Variants in HEXB observed in about 807,000 individuals in gnomAD.
The protein encoded by HEXB is beta-hexosaminidase subunit beta.
A neutral mutation model predicts 71.2 loss-of-function variants in HEXB; 51 were observed. The observed-to-expected ratio is 0.72, with a 90% CI of 0.57 to 0.90. HEXB has a LOEUF of 0.90. Ranked by LOEUF, HEXB falls within the 40% of genes least tolerant of loss-of-function variation. The pLI is 0.00. For missense variants in HEXB, 617 were observed against 677.0 expected, an observed-to-expected ratio of 0.91 and a Z score of 0.98; for synonymous variants, 266 against 249.3, an observed-to-expected ratio of 1.07 and a Z score of -0.63.
intron 6 of HEXB, among the ~76,000 whole-genome samples, chr5:74,712,698 C>T (rs11742621): frequency 0.32 from 48,471 of 151,924 alleles, 9,398 homozygotes; most frequent in African/African-American, 0.54. Flanking sequence ...TTGCACCCCA[C>T]AGTGTCAATT....
chr5:74,666,574 C>A (rs1251038917), intron 1 of HEXB, among the ~76,000 whole-genome samples: 1 of 152,304 alleles, frequency 6.6e-6, no homozygotes, highest in East Asian at 1.9e-4. Flanking sequence ...CCAACTCCCC[C>A]ACTCCCTGCT....
intron 11 of HEXB, among the ~76,000 whole-genome samples, 180 bp downstream of exon 11, chr5:74,719,151 T>C (rs541089061): frequency 6.6e-6 from 1 of 152,334 alleles, no homozygotes; most frequent in East Asian, 1.9e-4. Context: ...TGTGTTTTTT[T>C]AAGTTCAGTA....
At chr5:74,664,540 A>C (rs1389699712) in intron 1 of HEXB, among the ~76,000 whole-genome samples, 2 of 152,066 alleles carry the variant, frequency 1.3e-5, no homozygotes, top group Non-Finnish European at 2.9e-5. Flanking sequence ...GTAGTATGCC[A>C]AAATCAGTTC....
chr5:74,710,238 C>A (rs1241414049), intron 6 of HEXB, among the ~76,000 whole-genome samples: 1 of 151,768 alleles, frequency 6.6e-6, no homozygotes, highest in Non-Finnish European at 1.5e-5. Flanking sequence ...AATTCAACAA[C>A]CCTTCATGCT....
At chr5:74,670,676 T>C (rs1423281102) in intron 1 of HEXB, among the ~76,000 whole-genome samples, 1 of 152,198 alleles carries the variant, frequency 6.6e-6, no homozygotes, top group Non-Finnish European at 1.5e-5. Flanking sequence ...CTAAAAGAGC[T>C]AATTAGCACT....
At chr5:74,686,824 G>C (rs995357654) in intron 1 of HEXB, among the ~76,000 whole-genome samples, 2 of 152,196 alleles carry the variant, frequency 1.3e-5, no homozygotes, top group African/African-American at 4.8e-5. Context: ...GGTTGTCTCA[G>C]AAGATCATGA....
Position 74,718,273 on chromosome 5 carries a change from A to C in HEXB, c.1170-18A>C, listed in dbSNP as rs775843215. On this transcript the variant is annotated intron_variant, in intron 9 of 13. Transcript: ENST00000261416. The stretch of plus-strand genomic sequence containing the variant: ...AAGCTTATGATCTAAAATAACTATA[A>C]TTTTTTTGTAATACTAGGGTTTTGG... 1.4e-6 allele frequency: 2 copies of C among 1,462,720 alleles called. No homozygotes were observed. Among genetic ancestry groups the C allele is most frequent in the Non-Finnish European group, 1.9e-6 (2 of 1,042,066 alleles). 90.6% of individuals were successfully genotyped at this position (1,462,720 alleles called of 1,614,324 possible).
At chr5:74,672,829 G>C (rs998861972) in intron 1 of HEXB, among the ~76,000 whole-genome samples, 1 of 152,202 alleles carries the variant, frequency 6.6e-6, no homozygotes, top group Non-Finnish European at 1.5e-5. Flanking sequence ...AAATCGTAGA[G>C]AGTGGAAGGA....
At chr5:74,676,513 A>G (rs1748632722) in intron 1 of HEXB, among the ~76,000 whole-genome samples, 1 of 152,146 alleles carries the variant, frequency 6.6e-6, no homozygotes, top group South Asian at 2.1e-4. Flanking sequence ...CACTCCTGTA[A>G]TCCCAGCACT....
At chr5:74,678,627 AG>A (rs1466309247) in intron 1 of HEXB, among the ~76,000 whole-genome samples, 3 of 152,162 alleles carry the variant, frequency 2.0e-5, no homozygotes, top group Non-Finnish European at 4.4e-5. Context: ...TGGGGAAAAA[AG>A]GGAATTTTTA....
At chr5:74,720,366 G>T in intron 11 of HEXB, 62 bp from the exon 12 acceptor site, 1 of 1,204,772 alleles carries the variant, frequency 8.3e-7, no homozygotes, top group Non-Finnish European at 1.2e-6. Flanking sequence ...AAATCTTGAT[G>T]AAATATTGCC....
intron 1 of HEXB, among the ~76,000 whole-genome samples, chr5:74,645,280 C>A (rs1580355943): frequency 6.6e-6 from 1 of 152,168 alleles, no homozygotes; most frequent in Non-Finnish European, 1.5e-5. Context: ...TGGTTCACTG[C>A]AGCGTATAAC....
intron 1 of HEXB, among the ~76,000 whole-genome samples, chr5:74,669,579 T>C (rs1049257158): frequency 1.3e-5 from 2 of 152,188 alleles, no homozygotes; most frequent in Non-Finnish European, 2.9e-5. Flanking sequence ...ATTAAATTTT[T>C]ACACTGAATA....
upstream of HEXB, among the ~76,000 whole-genome samples, chr5:74,682,132 G>T (rs1411594975): frequency 6.6e-6 from 1 of 152,234 alleles, no homozygotes; most frequent in African/African-American, 2.4e-5. Flanking sequence ...GCCGAGACGG[G>T]CAGATCATGA....
chr5:74,689,621 T>A (rs1748951546), intron 2 of HEXB, 148 bp downstream of exon 2: 1 of 748,006 alleles, frequency 1.3e-6, no homozygotes, highest in South Asian at 1.5e-5. Flanking sequence ...TAAAGTCTGA[T>A]TATAAAAGTA....
chr5:74,696,594 A>G (rs1749117751), intron 3 of HEXB, 99 bp from the exon 4 acceptor site: 2 of 699,304 alleles, frequency 2.9e-6, no homozygotes, highest in East Asian at 2.7e-5. Flanking sequence ...ATTCAATTAT[A>G]TTTGCCTTAC....
intron 2 of HEXB, among the ~76,000 whole-genome samples, chr5:74,693,170 G>A (rs1427398549): frequency 6.6e-6 from 1 of 152,214 alleles, no homozygotes; most frequent in Non-Finnish European, 1.5e-5. Flanking sequence ...CTTAAAGGGA[G>A]TAGATTTGAG....
intron 1 of HEXB, among the ~76,000 whole-genome samples, chr5:74,677,008 T>C (rs1013841469): frequency 3.3e-5 from 5 of 151,916 alleles, no homozygotes; most frequent in Admixed American, 2.0e-4. Flanking sequence ...TGCCTCAGCC[T>C]CCCGAGTAAC....
intron 1 of HEXB, among the ~76,000 whole-genome samples, chr5:74,677,334 C>A (rs1748649908): frequency 6.6e-6 from 1 of 152,112 alleles, no homozygotes; most frequent in Non-Finnish European, 1.5e-5. Context: ...TCTGGGCCTG[C>A]AGATTTCACA....
Sources: gnomAD v4.1 joint callset for allele counts (sites outside exome capture counted in the v4.1 genomes callset) on GRCh38, gnomAD v4.1.1 for gene constraint, MANE v1.5 for transcripts, NCBI Gene and HGNC (gene_info 2026-07-23, HGNC 2026-07-21) for gene names.